EPB41: variants seen among roughly 807,000 people sequenced by gnomAD.
The protein encoded by EPB41 is erythrocyte membrane protein band 4.1, also known as protein 4.1.
A neutral mutation model predicts 108.0 loss-of-function variants in EPB41; 65 were observed. That is an observed-to-expected ratio of 0.60 (90% CI 0.49 to 0.74). The LOEUF is 0.74. EPB41 is among the 30% of genes least tolerant of loss of function. The pLI is 0.00. For synonymous variants in EPB41, 336 were observed against 358.9 expected (o/e 0.94, Z 0.72); for missense variants, 875 against 1,037.0 (o/e 0.84, Z 2.15).
intron 16 of EPB41, chr1:29,070,565 T>C: frequency 8.1e-7 from 1 of 1,232,174 alleles, no homozygotes; most frequent in Non-Finnish European, 1.0e-6. Context: ...TTTCATGATG[T>C]CTTTTCTCGT....
intron 3 of EPB41, among the ~76,000 whole-genome samples, chr1:28,994,793 G>A (rs755560974): frequency 3.3e-5 from 5 of 150,450 alleles, no homozygotes; most frequent in African/African-American, 7.4e-5. Flanking sequence ...TGAGTAGCTG[G>A]GACTACAGGC....
At chr1:28,892,277 A>G (rs2090200678) in intron 1 of EPB41, among the ~76,000 whole-genome samples, 1 of 152,056 alleles carries the variant, frequency 6.6e-6, no homozygotes, top group African/African-American at 2.4e-5. Context: ...CCCTGTAATG[A>G]TAGTAGCAAA....
At chr1:28,913,726 C>T (rs2092379529), upstream of EPB41, among the ~76,000 whole-genome samples, 1 of 152,164 alleles carries the variant, frequency 6.6e-6, no homozygotes, top group Non-Finnish European at 1.5e-5. Flanking sequence ...CAAAAGCCTT[C>T]TTTCTGCACT....
intron 4 of EPB41, among the ~76,000 whole-genome samples, chr1:29,005,380 A>G (rs368028589): frequency 6.6e-6 from 1 of 152,184 alleles, no homozygotes; most frequent in Non-Finnish European, 1.5e-5. Context: ...AGGGATTACA[A>G]TTTGACATGA....
chr1:28,945,383 A>G (rs1356532230), intron 1 of EPB41, among the ~76,000 whole-genome samples: 1 of 152,202 alleles, frequency 6.6e-6, no homozygotes, highest in African/African-American at 2.4e-5. Context: ...TATTCTCTTT[A>G]TTGATGTCCT....
intron 16 of EPB41, among the ~76,000 whole-genome samples, chr1:29,074,663 A>G (rs572265390): frequency 2.0e-5 from 3 of 152,360 alleles, no homozygotes; most frequent in Admixed American, 6.5e-5. Context: ...AGCAGTGGCT[A>G]TGATCAACAA....
intron 18 of EPB41, among the ~76,000 whole-genome samples, chr1:29,111,160 C>T (rs543085547): frequency 1.3e-5 from 2 of 150,022 alleles, no homozygotes; most frequent in African/African-American, 4.9e-5. Flanking sequence ...GAGCAAGACT[C>T]CATCTCAAAA....
At position 29,036,624 on chromosome 1, in the gene EPB41, T is replaced by C. The variant is rs912399349; in HGVS notation, c.1463+701T>C. Reference sequence around the variant, plus strand: ...CACATGGAATTTCTCTAAGCAATGCTTGACTACTTTTTGTGGAGCTTTTAT... The same window carrying C: ...CACATGGAATTTCTCTAAGCAATGCCTGACTACTTTTTGTGGAGCTTTTAT... On this transcript the variant is annotated intron_variant, in intron 10 of 20. Transcript: ENST00000343067. Among the ~76,000 whole-genome samples the C allele has an allele frequency of 2.0e-5, 3 of 152,074 alleles. No individual in the cohort carries two copies. In the South Asian group the frequency reaches 6.2e-4, roughly 31 times the overall value.
intron 1 of EPB41, among the ~76,000 whole-genome samples, chr1:28,962,359 C>T (rs962534869): frequency 2.0e-5 from 3 of 152,074 alleles, no homozygotes; most frequent in Non-Finnish European, 4.4e-5. Context: ...CCACCGCTCC[C>T]GGCCATAATT....
chr1:28,947,097 A>G (rs1053886910), intron 1 of EPB41, among the ~76,000 whole-genome samples: 2 of 152,228 alleles, frequency 1.3e-5, no homozygotes, highest in African/African-American at 4.8e-5. Flanking sequence ...TTAATGGATC[A>G]GTGTAACTTT....
chr1:28,997,689 TTATTAA>T (rs2096212289), intron 4 of EPB41, among the ~76,000 whole-genome samples: 1 of 151,892 alleles, frequency 6.6e-6, no homozygotes, highest in Non-Finnish European at 1.5e-5. Flanking sequence ...GGATGATCTG[TTATTAA>T]TATTATAATG....
Position 29,097,945 on chromosome 1 carries a change from G to A in EPB41, c.2313+10G>A. 1 of 1,613,982 alleles carries A rather than the reference G, an allele frequency of 6.2e-7. No individual in the cohort carries two copies. The highest frequency in any genetic ancestry group is 1.1e-5 in the South Asian group (1 of 91,080). On this transcript the variant is annotated intron_variant, in intron 17 of 20. Transcript: ENST00000343067. ...TTATGAGGCTGCCCAGGTAGGACAT[G>A]TTTTGATGCTTCAGAACCAAAGGCT...
upstream of EPB41, chr1:28,911,260 T>C: frequency 4.1e-6 from 3 of 729,268 alleles, no homozygotes; most frequent in Non-Finnish European, 5.0e-6. Context: ...TGGATAGTAC[T>C]TTACAGTTTA....
At chr1:29,098,032 G>A in intron 17 of EPB41, 97 bp downstream of exon 17, 1 of 1,539,612 alleles carries the variant, frequency 6.5e-7, no homozygotes, top group Non-Finnish European at 8.9e-7. Flanking sequence ...AAGAATACCA[G>A]GTTTTTCTGG....
intron 3 of EPB41, among the ~76,000 whole-genome samples, chr1:28,995,871 GA>G (rs902605675): frequency 1.2e-4 from 18 of 152,036 alleles, no homozygotes; most frequent in Admixed American, 3.9e-4. Flanking sequence ...AAACATGGGA[GA>G]AAAAAAGAAA....
intron 1 of EPB41, among the ~76,000 whole-genome samples, chr1:28,978,839 C>T (rs1372221992): frequency 2.0e-5 from 3 of 151,370 alleles, no homozygotes; most frequent in East Asian, 3.9e-4. Context: ...AGTAGCCCCT[C>T]CAGGTCTTGA....
At chr1:28,901,130 T>A (rs157229) in intron 1 of EPB41, among the ~76,000 whole-genome samples, 6 of 151,458 alleles carry the variant, frequency 4.0e-5, no homozygotes, top group Non-Finnish European at 5.9e-5. Context: ...GGGGTTTCAC[T>A]GTGTTAGCCA....
chr1:29,060,401 TC>T lies in EPB41; in HGVS notation c.1945-15del, dbSNP rs1646306854. On this transcript the variant is annotated intron_variant, in intron 14 of 20. Transcript: ENST00000343067. ...TTTAATTTTTTATGCTTTTCTGTTT[TC>T]CCCCCTTTCATTTTCACAGAAAAAG... The T allele has an allele frequency of 5.0e-6, 8 of 1,609,032 alleles. No individual in the cohort carries two copies. The East Asian group carries it at 1.6e-4, about 31-fold the overall frequency.
chr1:28,932,364 C>T (rs1400922895), intron 1 of EPB41, among the ~76,000 whole-genome samples: 3 of 151,024 alleles, frequency 2.0e-5, no homozygotes, highest in South Asian at 4.2e-4. Context: ...CTCAGGTGAT[C>T]CACTCTCCTT....
Sources: gnomAD v4.1 joint callset for allele counts (sites outside exome capture counted in the v4.1 genomes callset) on GRCh38, gnomAD v4.1.1 for gene constraint, MANE v1.5 for transcripts, NCBI Gene and HGNC (gene_info 2026-07-23, HGNC 2026-07-21) for gene names.